Variants in GALNT18 observed in about 807,000 individuals in gnomAD.
GALNT18 encodes the protein GalNAc-transferase 18.
In GALNT18, 44 loss-of-function variants were observed where a neutral mutation model predicts 69.5. The observed-to-expected ratio is 0.63, with a 90% CI of 0.50 to 0.81. The LOEUF (loss-of-function observed/expected upper bound fraction) is 0.81, where lower values mean the gene tolerates loss of function less well. Ranked by LOEUF, GALNT18 falls within the 40% of genes least tolerant of loss-of-function variation. The probability of loss-of-function intolerance (pLI) is 0.00; values close to 1 mark genes in which losing one functional copy is unlikely to be tolerated. For missense variants in GALNT18, 715 were observed against 810.0 expected, an observed-to-expected ratio of 0.88 and a Z score of 1.42; for synonymous variants, 364 against 318.2, an observed-to-expected ratio of 1.14 and a Z score of -1.53.
chr11:11,272,732 C>G (rs1286969692), intron 10 of GALNT18, among the ~76,000 whole-genome samples: 1 of 151,234 alleles, frequency 6.6e-6, no homozygotes, highest in South Asian at 2.1e-4. Context: ...CTCTACTGCC[C>G]ACCCATGCCC....
intron 1 of GALNT18, among the ~76,000 whole-genome samples, chr11:11,580,645 A>T (rs1590115705): frequency 6.6e-6 from 1 of 152,350 alleles, no homozygotes; most frequent in East Asian, 1.9e-4. Context: ...ACACCCAACC[A>T]ATCTGAACAG....
chr11:11,272,962 T>A (rs1848858380), intron 10 of GALNT18, among the ~76,000 whole-genome samples: 1 of 152,182 alleles, frequency 6.6e-6, no homozygotes, highest in African/African-American at 2.4e-5. Context: ...GACAGTCTTT[T>A]CAATAAATTG....
At chr11:11,495,986 T>A (rs937789640) in intron 1 of GALNT18, among the ~76,000 whole-genome samples, 1 of 152,192 alleles carries the variant, frequency 6.6e-6, no homozygotes, top group Admixed American at 6.5e-5. Context: ...CATTATAACT[T>A]CATAATCCTA....
chr11:11,284,360 CCT>C (rs1289308716), intron 10 of GALNT18, among the ~76,000 whole-genome samples: 4 of 152,112 alleles, frequency 2.6e-5, no homozygotes, highest in African/African-American at 9.7e-5. Context: ...GATCACTGCC[CCT>C]CTCACTTCTG....
intron 9 of GALNT18, among the ~76,000 whole-genome samples, chr11:11,310,185 A>G (rs1331397426): frequency 2.0e-5 from 3 of 152,162 alleles, no homozygotes; most frequent in African/African-American, 7.2e-5. Context: ...CAAGGCACGC[A>G]TTATGAGGGA....
At chr11:11,456,040 GC>G (rs1345119290) in intron 1 of GALNT18, among the ~76,000 whole-genome samples, 1 of 152,162 alleles carries the variant, frequency 6.6e-6, no homozygotes, top group African/African-American at 2.4e-5. Flanking sequence ...AGTGAGCTTT[GC>G]CACCACACTC....
chr11:11,515,619 T>C (rs1423710623), intron 1 of GALNT18, among the ~76,000 whole-genome samples: 1 of 151,888 alleles, frequency 6.6e-6, no homozygotes, highest in Non-Finnish European at 1.5e-5. Context: ...CACAGAGAAA[T>C]GGAGTTGGGT....
intron 1 of GALNT18, among the ~76,000 whole-genome samples, chr11:11,577,461 C>T (rs1858954008): frequency 6.6e-6 from 1 of 152,196 alleles, no homozygotes; most frequent in Admixed American, 6.5e-5. Flanking sequence ...CCACTGTGTG[C>T]CAGAAAGGAA....
Position 11,338,381 on chromosome 11 carries a change from C to T in GALNT18, c.1278+2438G>A, listed in dbSNP as rs554942113. On this transcript the variant is annotated intron_variant, in intron 7 of 10. Coordinates refer to ENST00000227756, the MANE Select transcript of GALNT18 (RefSeq NM_198516.3). The surrounding 1 kb of genome is among the most constrained non-coding windows in gnomAD (Gnocchi z 5.3). ...GAGATAAAGACTTGAGCCAGGAAAA[C>T]CAGCTGAAGCTTGTGGCAGAGAAAA... Among the ~76,000 whole-genome samples, 347 of 152,034 alleles carry T rather than the reference C, an allele frequency of 2.3e-3. 1 individual carries two copies. Among genetic ancestry groups the T allele is most frequent in the African/African-American group, 8.0e-3 (330 of 41,504 alleles).
rs2133893237 is a variant in GALNT18 at position 11,497,128 on chromosome 11, G to C, written c.236-48192C>G. On this transcript the variant is annotated intron_variant, in intron 1 of 10. Transcript: ENST00000227756. This position sits in a 1 kb window ranked among gnomAD's most constrained non-coding sequence, Gnocchi z 4.2. ...TTCAGTATGGGATGCTGTGACCCAG[G>C]GCCAGACCCTTCTTGTCATGCAAGT... 6.6e-6 allele frequency among the ~76,000 whole-genome samples: 1 copy of C among 151,978 alleles called. No homozygotes were observed. The highest frequency in any genetic ancestry group is 2.1e-4 in the South Asian group (1 of 4,798).
chr11:11,378,127 C>T (rs1259166150), intron 4 of GALNT18, among the ~76,000 whole-genome samples: 1 of 152,228 alleles, frequency 6.6e-6, no homozygotes, highest in African/African-American at 2.4e-5. Context: ...TCACAAGTGG[C>T]AAGCAGGGAC....
chr11:11,296,028 G>C (rs1849394544), intron 9 of GALNT18, among the ~76,000 whole-genome samples: 1 of 152,018 alleles, frequency 6.6e-6, no homozygotes, highest in Admixed American at 6.6e-5. Context: ...GGAGTTGAGG[G>C]AGAACTTGGC....
chr11:11,551,189 G>A (rs1460445150), intron 1 of GALNT18, among the ~76,000 whole-genome samples: 1 of 151,796 alleles, frequency 6.6e-6, no homozygotes, highest in Non-Finnish European at 1.5e-5. Flanking sequence ...TCTTTTAAGT[G>A]GGTCAGCTCA....
chr11:11,478,495 T>G (rs983662825), intron 1 of GALNT18, among the ~76,000 whole-genome samples: 1 of 152,178 alleles, frequency 6.6e-6, no homozygotes, highest in African/African-American at 2.4e-5. Flanking sequence ...GCCGTCCTCA[T>G]GCCCCAAACG....
chr11:11,561,997 A>G (rs537868546), intron 1 of GALNT18, among the ~76,000 whole-genome samples: 42 of 152,362 alleles, frequency 2.8e-4, no homozygotes, highest in African/African-American at 9.9e-4. Context: ...GAGTGAATGC[A>G]GGGCAGGGCT....
intron 9 of GALNT18, among the ~76,000 whole-genome samples, chr11:11,325,455 C>A (rs761038644): frequency 5.3e-5 from 8 of 152,036 alleles, no homozygotes; most frequent in Non-Finnish European, 8.8e-5. Flanking sequence ...CAGCAATCAC[C>A]ACTAAAGAAC....
At chr11:11,297,907 G>T (rs1849429963) in intron 9 of GALNT18, among the ~76,000 whole-genome samples, 1 of 152,206 alleles carries the variant, frequency 6.6e-6, no homozygotes, top group Admixed American at 6.5e-5. Context: ...AAAATCACCT[G>T]CAAGGTAAAA....
intron 3 of GALNT18, among the ~76,000 whole-genome samples, chr11:11,401,971 G>A (rs1428146495): frequency 3.3e-5 from 5 of 152,180 alleles, no homozygotes; most frequent in African/African-American, 1.2e-4. Flanking sequence ...CATTTTGGCT[G>A]GGCCTTAAGG....
At chr11:11,478,863 G>A (rs1383199270) in intron 1 of GALNT18, among the ~76,000 whole-genome samples, 2 of 152,048 alleles carry the variant, frequency 1.3e-5, no homozygotes, top group Non-Finnish European at 2.9e-5. Context: ...GGGCGGGGGA[G>A]GGGAGAAGCC....
Sources: gnomAD v4.1 joint callset for allele counts (sites outside exome capture counted in the v4.1 genomes callset) on GRCh38, gnomAD v4.1.1 for gene constraint, Gnocchi (gnomAD v3.1) non-coding constraint, MANE v1.5 for transcripts, NCBI Gene and HGNC (gene_info 2026-07-23, HGNC 2026-07-21) for gene names.